Variants in ITGB3BP observed in about 807,000 individuals in gnomAD.
ITGB3BP encodes the protein centromere protein R.
ITGB3BP carries 27 observed loss-of-function variants against 29.1 expected under a neutral mutation model. That is an observed-to-expected ratio of 0.93 (90% CI 0.68 to 1.28). The LOEUF is 1.28. Among genes scored for constraint, ITGB3BP ranks in the 50% most tolerant of loss-of-function variants. ITGB3BP has a pLI of 0.00. For synonymous variants in ITGB3BP, 61 were observed against 61.4 expected (o/e 0.99, Z 0.03); for missense variants, 192 against 200.2 (o/e 0.96, Z 0.25).
chr1:63,444,411 T>C (rs987589095), intron 8 of ITGB3BP, among the ~76,000 whole-genome samples: 15 of 148,924 alleles, frequency 1.0e-4, no homozygotes, highest in Non-Finnish European at 1.8e-4. Context: ...TGAATATAAG[T>C]GTATGTGGAT....
At chr1:63,490,345 T>C in intron 2 of ITGB3BP, 127 bp from the exon 3 acceptor site, 1 of 609,998 alleles carries the variant, frequency 1.6e-6, no homozygotes. Context: ...AGATTACAAA[T>C]ATACTCAACT....
At chr1:63,478,289 GATA>G (rs1486213604) in intron 4 of ITGB3BP, among the ~76,000 whole-genome samples, 4 of 152,190 alleles carry the variant, frequency 2.6e-5, no homozygotes, top group Non-Finnish European at 5.9e-5. Context: ...ACTTTCTGCA[GATA>G]ATGTCTTCAT....
intron 4 of ITGB3BP, among the ~76,000 whole-genome samples, chr1:63,472,910 T>A (rs530479117): frequency 6.6e-6 from 1 of 151,864 alleles, no homozygotes; most frequent in South Asian, 2.1e-4. Context: ...GTCTGGGAAG[T>A]GAGGAGCGTC....
intron 4 of ITGB3BP, among the ~76,000 whole-genome samples, chr1:63,460,351 T>G (rs1289470408): frequency 6.6e-6 from 1 of 152,224 alleles, no homozygotes; most frequent in Non-Finnish European, 1.5e-5. Context: ...TTTCTATCTC[T>G]TTGAATTAGT....
At chr1:63,526,403 T>C (rs1008276045), upstream of ITGB3BP, among the ~76,000 whole-genome samples, 1 of 152,288 alleles carries the variant, frequency 6.6e-6, no homozygotes, top group Non-Finnish European at 1.5e-5. Context: ...CTCATGTCAG[T>C]TTCATCAAGG....
At chr1:63,472,765 G>C (rs1022439045) in intron 4 of ITGB3BP, among the ~76,000 whole-genome samples, 4 of 151,624 alleles carry the variant, frequency 2.6e-5, no homozygotes, top group South Asian at 2.1e-4. Context: ...ACAGAGTCTC[G>C]TTCACTCAGT....
intron 2 of ITGB3BP, among the ~76,000 whole-genome samples, chr1:63,499,911 C>T (rs929048676): frequency 2.6e-4 from 40 of 152,282 alleles, no homozygotes; most frequent in African/African-American, 9.1e-4. Context: ...TGGATTCTTT[C>T]CCTCTAAGAT....
chr1:63,505,814 T>C (rs1244329051), intron 2 of ITGB3BP, among the ~76,000 whole-genome samples: 1 of 152,190 alleles, frequency 6.6e-6, no homozygotes, highest in Admixed American at 6.5e-5. Flanking sequence ...TTCCATGTAG[T>C]TGAGCGGTTT....
At chr1:63,501,270 G>C (rs927175197) in intron 2 of ITGB3BP, among the ~76,000 whole-genome samples, 8 of 152,062 alleles carry the variant, frequency 5.3e-5, no homozygotes, top group Non-Finnish European at 1.0e-4. Context: ...TGTTTCCATG[G>C]GTTACATGTT....
At chr1:63,516,112 A>C (rs1225839144) in intron 1 of ITGB3BP, among the ~76,000 whole-genome samples, 1 of 151,160 alleles carries the variant, frequency 6.6e-6, no homozygotes, top group Non-Finnish European at 1.5e-5. Flanking sequence ...TCATTATCTT[A>C]ACTGGAATAA....
chr1:63,448,145 C>T (rs1461202564), intron 7 of ITGB3BP, among the ~76,000 whole-genome samples: 2 of 122,712 alleles, frequency 1.6e-5, no homozygotes, highest in Non-Finnish European at 3.2e-5. Flanking sequence ...CACATGGACA[C>T]AGGAAGGGGA....
At chr1:63,452,992 G>T (rs562250287) in intron 7 of ITGB3BP, among the ~76,000 whole-genome samples, 1 of 152,162 alleles carries the variant, frequency 6.6e-6, no homozygotes, top group Admixed American at 6.5e-5. Context: ...ATTTGTTTTA[G>T]GAAGAGATAA....
chr1:63,494,797 T>TA (rs1645747994), intron 2 of ITGB3BP, among the ~76,000 whole-genome samples: 1 of 152,178 alleles, frequency 6.6e-6, no homozygotes, highest in Non-Finnish European at 1.5e-5. Context: ...GTCATTCTCT[T>TA]ACACTGTAAT....
intron 1 of ITGB3BP, among the ~76,000 whole-genome samples, chr1:63,512,263 C>T (rs2136926): frequency 0.21 from 32,445 of 151,886 alleles, 4,038 homozygotes; most frequent in African/African-American, 0.35. Flanking sequence ...TTCTCTAAGA[C>T]TGACCTCTTT....
chr1:63,452,792 A>C (rs1311903619), intron 7 of ITGB3BP, among the ~76,000 whole-genome samples: 1 of 152,124 alleles, frequency 6.6e-6, no homozygotes, highest in African/African-American at 2.4e-5. Flanking sequence ...GAGTCTTGCC[A>C]TGGCTGCAGC....
At chr1:63,469,189 A>C (rs1166950312) in intron 4 of ITGB3BP, among the ~76,000 whole-genome samples, 1 of 152,198 alleles carries the variant, frequency 6.6e-6, no homozygotes, top group Non-Finnish European at 1.5e-5. Flanking sequence ...TAAATGTGAT[A>C]ATATATGCCT....
upstream of ITGB3BP, among the ~76,000 whole-genome samples, chr1:63,524,563 CTT>C (rs1335123134): frequency 4.3e-4 from 66 of 152,306 alleles, no homozygotes; most frequent in African/African-American, 1.4e-3. Context: ...CCTGTGTTAT[CTT>C]ATTATTGAAC....
At position 63,505,562 on chromosome 1, in the gene ITGB3BP, T is replaced by G. The variant is rs1646056255; in HGVS notation, c.48+2966A>C. ...TTCTTGCCTTCTGCTAGCTTTTGAATGTGTTTGCTCTTGCTTCTCTAGTTC... is the reference window on the plus strand; with the variant it reads ...TTCTTGCCTTCTGCTAGCTTTTGAAGGTGTTTGCTCTTGCTTCTCTAGTTC... On this transcript the variant is annotated intron_variant, in intron 2 of 8. Transcript: ENST00000271002. Among the ~76,000 whole-genome samples the G allele has an allele frequency of 1.3e-5, 2 of 152,214 alleles. 1 individual carries two copies. Among genetic ancestry groups the G allele is most frequent in the South Asian group, 4.1e-4 (2 of 4,828 alleles).
At chr1:63,446,533 T>C (rs984464512) in intron 8 of ITGB3BP, 8 of 406,814 alleles carry the variant, frequency 2.0e-5, no homozygotes, top group Admixed American at 3.9e-5. Flanking sequence ...AGGACCCTTT[T>C]ACACTCAGTT....
Sources: allele counts gnomAD v4.1 joint callset (sites outside exome capture counted in the v4.1 genomes callset), GRCh38; gene constraint gnomAD v4.1.1; transcripts MANE v1.5; gene names NCBI Gene and HGNC (gene_info 2026-07-23, HGNC 2026-07-21).